SLC4A2: variants seen among roughly 807,000 people sequenced by gnomAD.
The protein encoded by SLC4A2 is solute carrier family 4 member 2, also known as anion exchange protein 2.
SLC4A2 carries 36 observed loss-of-function variants against 115.0 expected under a neutral mutation model. That is an observed-to-expected ratio of 0.31 (90% CI 0.24 to 0.41). SLC4A2 has a LOEUF of 0.41. Ranked by LOEUF, SLC4A2 falls within the 10% of genes least tolerant of loss-of-function variation. The pLI is 1.00. For missense variants in SLC4A2, 1,252 were observed against 1,705.6 expected, an observed-to-expected ratio of 0.73 and a Z score of 4.68; for synonymous variants, 708 against 708.3, an observed-to-expected ratio of 1.00 and a Z score of 0.01.
At chr7:151,059,454 A>T (rs1012723939), upstream of SLC4A2, 1 of 151,808 alleles carries the variant, frequency 6.6e-6, no homozygotes, top group Admixed American at 6.6e-5. This position sits in a 1 kb window ranked among gnomAD's most constrained non-coding sequence, Gnocchi z 5.8. Context: ...CCCCGAGTGG[A>T]GAAGCTTGGG....
intron 8 of SLC4A2, among the ~76,000 whole-genome samples, chr7:151,069,088 A>G (rs1311284271): frequency 2.1e-5 from 3 of 140,640 alleles, no homozygotes; most frequent in Non-Finnish European, 3.0e-5. Flanking sequence ...GCAGTGAGCC[A>G]AGATCATGCC....
intron 1 of SLC4A2, among the ~76,000 whole-genome samples, chr7:151,061,036 C>A (rs1404611603): frequency 6.6e-6 from 1 of 152,042 alleles, no homozygotes; most frequent in East Asian, 1.9e-4. Flanking sequence ...TTCTCTGCCC[C>A]CACCACACAG....
chr7:151,058,236 T>G, upstream of SLC4A2: 2 of 309,532 alleles, frequency 6.5e-6, no homozygotes, highest in South Asian at 4.8e-5. Context: ...AAAGGGCCGC[T>G]CCGGGACTAC....
In SLC4A2 at chr7:151,074,677, G is replaced by T. The variant is rs151246307; in HGVS notation, c.2883G>T (p.Lys961Asn). The T allele has an allele frequency of 1.9e-6, 3 of 1,596,448 alleles. No homozygotes were observed. The African/African-American group carries it at 4.1e-5, about 22-fold the overall frequency. ...CCTACACTGTGTCTGCCCTGCAGAAGCTGAGCGTTCCCAGTGGATTCTCGG... is the reference window on the plus strand; with the variant it reads ...CCTACACTGTGTCTGCCCTGCAGAATCTGAGCGTTCCCAGTGGATTCTCGG... The part of the protein sequence containing the change: ...DYSIEDTYTQ[K>N]LSVPSGFSVT... The change falls in exon 19 of 23, where the codon AAG becomes AAT. Residue 961 changes from lysine to asparagine, a missense_variant and splice_region_variant. This residue lies in a region of SLC4A2 where 253 missense variants were observed against 407.4 expected (regional missense o/e 0.62). Coordinates refer to ENST00000413384, the MANE Select transcript of SLC4A2 (RefSeq NM_003040.4).
At chr7:151,059,521 C>CGCCCCG (rs1036243242), upstream of SLC4A2, 4 of 151,504 alleles carry the variant, frequency 2.6e-5, no homozygotes, top group Non-Finnish European at 4.4e-5. This position sits in a 1 kb window ranked among gnomAD's most constrained non-coding sequence, Gnocchi z 5.8. Context: ...AGCGCGCCCC[C>CGCCCCG]GCCCCGGCCC....
chr7:151,069,826 G>A (rs1459912012), intron 8 of SLC4A2, 121 bp from the exon 9 acceptor site: 1 of 1,160,334 alleles, frequency 8.6e-7, no homozygotes, highest in East Asian at 2.4e-5. Flanking sequence ...TCCTTCATGT[G>A]TAGGCTGGTG....
intron 22 of SLC4A2, 37 bp from the exon 23 acceptor site, chr7:151,076,250 C>G (rs774704754): frequency 6.3e-7 from 1 of 1,591,120 alleles, no homozygotes; most frequent in Non-Finnish European, 8.6e-7. Flanking sequence ...AAAGGCCCCC[C>G]CACTTCCCTT....
rs1411728087 is a variant in SLC4A2 at position 151,060,922 on chromosome 7, G to C, written c.-63-1003G>C. On this transcript the variant is annotated intron_variant, in intron 1 of 22. Transcript: ENST00000413384. This position sits in a 1 kb window ranked among gnomAD's most constrained non-coding sequence, Gnocchi z 5.9. ...CCCCAGCAACACACTGGGAGCATGG[G>C]TTGTTGGGTACCGTCACTTTTTGCC... Among the ~76,000 whole-genome samples the C allele has an allele frequency of 6.6e-6, 1 of 152,172 alleles. No individual in the cohort carries two copies. The highest frequency in any genetic ancestry group is 1.9e-4 in the East Asian group (1 of 5,198).
chr7:151,064,613 C>T lies in SLC4A2; in HGVS notation c.305C>T (p.Pro102Leu), dbSNP rs146857685. 1,306 of 1,613,546 alleles carry T rather than the reference C, an allele frequency of 8.1e-4. 11 individuals carry two copies. The Middle Eastern group carries it at 0.025, about 31-fold the overall frequency. ...DARRRKTPQG[P>L]GRKPRRRPGA... ...CGCCGCCGCAAGACACCCCAGGGCC[C>T]AGGACGGAAGCCTCGAAGGCGCCCG... Residue 102 changes from proline to leucine, a missense_variant, in exon 4 of 23, where the codon CCA becomes CTA. By Grantham distance (98) the Pro-to-Leu change is moderately conservative. Around this residue, in one of 14 missense-constraint regions of SLC4A2, gnomAD observed 215 missense variants for 205.2 expected, o/e 1.05. Transcript: ENST00000413384.
chr7:151,067,070 T>C, intron 7 of SLC4A2, 77 bp downstream of exon 7: 4 of 1,429,232 alleles, frequency 2.8e-6, no homozygotes, highest in South Asian at 2.7e-5. Flanking sequence ...AGCTGTAATC[T>C]CAAGCCTCAG....
At position 151,074,842 on chromosome 7, in the gene SLC4A2, G is replaced by A. The variant is rs1399339002; in HGVS notation, c.3047+1G>A. The A allele has an allele frequency of 3.7e-6, 6 of 1,604,922 alleles. No homozygotes were observed. Among genetic ancestry groups the A allele is most frequent in the Non-Finnish European group, 4.3e-6 (5 of 1,175,912 alleles). On this transcript the variant is annotated splice_donor_variant, in intron 19 of 22. Transcript: ENST00000413384. LOFTEE classifies it high-confidence loss of function. ...TCTTCATGGAGACACAGATCACCAC[G>A]TGAGTGGTCCTAGCCAAAGGGGTGT... is the stretch of plus-strand genomic sequence containing the variant.
chr7:151,063,968 A>C (rs909139350), intron 2 of SLC4A2, among the ~76,000 whole-genome samples: 1 of 151,916 alleles, frequency 6.6e-6, no homozygotes, highest in Non-Finnish European at 1.5e-5. Context: ...ACCTCCAGCA[A>C]TCCACCCACC....
At chr7:151,062,329 A>C (rs999129034) in intron 2 of SLC4A2, among the ~76,000 whole-genome samples, 4 of 152,144 alleles carry the variant, frequency 2.6e-5, no homozygotes, top group African/African-American at 9.7e-5. Context: ...CTCACCCAGC[A>C]ACCCGTCTCA....
chr7:151,063,294 T>G, intron 2 of SLC4A2: 1 of 877,762 alleles, frequency 1.1e-6, no homozygotes, highest in South Asian at 1.9e-5. Flanking sequence ...CTGAAGGGCA[T>G]CCATTCCGGT....
At chr7:151,068,867 C>T (rs886406509) in intron 8 of SLC4A2, among the ~76,000 whole-genome samples, 5 of 151,372 alleles carry the variant, frequency 3.3e-5, no homozygotes, top group Admixed American at 2.0e-4. Context: ...CTGCTGGGCG[C>T]GGTGGCTCAT....
intron 11 of SLC4A2, 57 bp downstream of exon 11, chr7:151,070,628 C>T: frequency 1.9e-6 from 3 of 1,597,798 alleles, no homozygotes; most frequent in East Asian, 4.5e-5. Context: ...AGGCAGAGTC[C>T]TGTAGTCTCC....
intron 21 of SLC4A2, 30 bp from the exon 22 acceptor site, chr7:151,075,983 A>G (rs1368914943): frequency 1.4e-5 from 22 of 1,555,872 alleles, no homozygotes; most frequent in Non-Finnish European, 1.8e-5. Context: ...GCTAGGGAGG[A>G]AGCTGGGCTC....
intron 21 of SLC4A2, 67 bp downstream of exon 21, chr7:151,075,842 T>C: frequency 1.3e-6 from 2 of 1,519,378 alleles, no homozygotes; most frequent in South Asian, 1.2e-5. Flanking sequence ...TGGGTCACTC[T>C]CCAGCTGCCC....
intron 18 of SLC4A2, 85 bp downstream of exon 18, chr7:151,074,573 T>C: frequency 6.3e-7 from 1 of 1,590,036 alleles, no homozygotes; most frequent in Non-Finnish European, 8.6e-7. Flanking sequence ...AAACCCAGCC[T>C]GTCCTTAAGC....
Sources: allele counts gnomAD v4.1 joint callset (sites outside exome capture counted in the v4.1 genomes callset), GRCh38; gene constraint gnomAD v4.1.1; regional missense constraint gnomAD v4.1.1; non-coding constraint Gnocchi (gnomAD v3.1); transcripts MANE v1.5; gene names NCBI Gene and HGNC (gene_info 2026-07-23, HGNC 2026-07-21).